Variants in ANKS1B observed in about 807,000 individuals in gnomAD.
ANKS1B encodes the protein ankyrin repeat and sterile alpha motif domain containing 1B.
A neutral mutation model predicts 148.3 loss-of-function variants in ANKS1B; 36 were observed. That is an observed-to-expected ratio of 0.24 (90% CI 0.19 to 0.32). ANKS1B has a LOEUF of 0.32. Ranked by LOEUF, ANKS1B falls within the 10% of genes least tolerant of loss-of-function variation. The pLI, the probability that ANKS1B is intolerant of heterozygous loss-of-function variation, is 1.00. For missense variants in ANKS1B, 1,157 were observed against 1,542.6 expected (o/e 0.75, Z 4.19); for synonymous variants, 542 against 560.8 (o/e 0.97, Z 0.47).
intron 12 of ANKS1B, among the ~76,000 whole-genome samples, chr12:99,269,554 AG>A (rs1208583026): frequency 2.6e-5 from 4 of 151,962 alleles, no homozygotes; most frequent in Non-Finnish European, 5.9e-5. Flanking sequence ...CCAATTCAAA[AG>A]ACTTGCTTAT....
intron 12 of ANKS1B, among the ~76,000 whole-genome samples, chr12:99,285,466 T>C (rs1392599456): frequency 6.6e-6 from 1 of 152,194 alleles, no homozygotes; most frequent in Admixed American, 6.5e-5. Context: ...TTCATTTCTC[T>C]TCAAAAAATA....
At chr12:99,953,680 A>G (rs2095267261) in intron 1 of ANKS1B, among the ~76,000 whole-genome samples, 1 of 152,264 alleles carries the variant, frequency 6.6e-6, no homozygotes, top group East Asian at 1.9e-4. Flanking sequence ...AAAGGATAAT[A>G]AAGGACTGGA....
chr12:98,739,300 G>C (rs2097787215), downstream of ANKS1B, among the ~76,000 whole-genome samples: 1 of 152,236 alleles, frequency 6.6e-6, no homozygotes, highest in Non-Finnish European at 1.5e-5. Context: ...GGCATCAGAT[G>C]CTGTCTGCTC....
intron 1 of ANKS1B, among the ~76,000 whole-genome samples, chr12:99,973,007 C>T (rs2095578932): frequency 8.5e-5 from 13 of 152,156 alleles, no homozygotes; most frequent in Admixed American, 8.5e-4. Context: ...CTGTTTGTAG[C>T]ATGGTTTACT....
intron 9 of ANKS1B, among the ~76,000 whole-genome samples, chr12:99,635,580 T>C (rs1386562567): frequency 6.6e-6 from 1 of 152,108 alleles, no homozygotes; most frequent in Non-Finnish European, 1.5e-5. Flanking sequence ...AGTAGAATGG[T>C]GGTTGCCATT....
chr12:99,384,872 CTATTA>C, intron 12 of ANKS1B, among the ~76,000 whole-genome samples: 1 of 152,208 alleles, frequency 6.6e-6, no homozygotes, highest in East Asian at 1.9e-4. Flanking sequence ...TGTCTTCCCA[CTATTA>C]TATTATTTCC....
intron 17 of ANKS1B, among the ~76,000 whole-genome samples, chr12:98,836,390 C>T (rs1595076789): frequency 6.6e-6 from 1 of 152,138 alleles, no homozygotes; most frequent in African/African-American, 2.4e-5. Context: ...ACCCTCATCA[C>T]CCAAGATTCA....
intron 16 of ANKS1B, among the ~76,000 whole-genome samples, chr12:99,063,688 G>T (rs995048390): frequency 6.6e-6 from 1 of 152,242 alleles, no homozygotes; most frequent in African/African-American, 2.4e-5. Context: ...GTGATTTCAC[G>T]CATGTCACCT....
intron 6 of ANKS1B, 58 bp downstream of exon 6, chr12:99,779,813 C>A: frequency 4.6e-6 from 6 of 1,292,440 alleles, no homozygotes. Context: ...AAAACTGTAA[C>A]AGTTTTAATC....
chr12:99,280,503 A>T (rs1474173718), intron 12 of ANKS1B, among the ~76,000 whole-genome samples: 1 of 152,106 alleles, frequency 6.6e-6, no homozygotes, highest in Non-Finnish European at 1.5e-5. Flanking sequence ...TGTTAACCTG[A>T]TGGGGCCACA....
In ANKS1B at chr12:98,894,623, T is replaced by C. The variant is rs866476659; in HGVS notation, c.2779-62487A>G. 3.9e-5 allele frequency: 38 copies of C among 984,594 alleles called. 1 individual carries two copies. In the South Asian group the frequency reaches 1.4e-3, roughly 35 times the overall value. The allele number at this position is 984,594 out of a possible 1,614,324, so 61.0% of individuals were successfully genotyped here. A position where few individuals can be genotyped will look rare whatever the true frequency, so the allele number is the denominator to read the frequency against. ...CGGAGCGAGGGGGCCGCTGTGCCGC[T>C]ACTCACCCGAGCCGCTCGGGCTGGC... On this transcript the variant is annotated intron_variant, in intron 17 of 26. Transcript: ENST00000683438.
chr12:99,479,462 A>T (rs184983244), intron 10 of ANKS1B, among the ~76,000 whole-genome samples: 284 of 152,158 alleles, frequency 1.9e-3, no homozygotes, highest in African/African-American at 6.2e-3. Flanking sequence ...TTTGCAATAC[A>T]TTTCCATAAT....
chr12:99,432,264 G>A (rs887331498), intron 11 of ANKS1B, among the ~76,000 whole-genome samples: 3 of 152,022 alleles, frequency 2.0e-5, no homozygotes, highest in South Asian at 2.1e-4. Flanking sequence ...CCATTATAGC[G>A]ACACAAAGTG....
chr12:99,371,838 A>C (rs565615187), intron 12 of ANKS1B, among the ~76,000 whole-genome samples: 2 of 152,320 alleles, frequency 1.3e-5, no homozygotes, highest in Admixed American at 6.5e-5. Context: ...TATAATAAGA[A>C]TAAATTATTA....
At chr12:98,877,793 T>C (rs2099695214) in intron 17 of ANKS1B, among the ~76,000 whole-genome samples, 1 of 152,216 alleles carries the variant, frequency 6.6e-6, no homozygotes. Context: ...GCAATAATTC[T>C]TCTAATCTTA....
chr12:99,249,085 A>C (rs2074241214), intron 12 of ANKS1B, among the ~76,000 whole-genome samples: 1 of 152,156 alleles, frequency 6.6e-6, no homozygotes, highest in South Asian at 2.1e-4. Flanking sequence ...CAACATAAGC[A>C]GGTTGGTATG....
At chr12:99,076,420 G>C (rs2047902288) in intron 16 of ANKS1B, among the ~76,000 whole-genome samples, 1 of 152,174 alleles carries the variant, frequency 6.6e-6, no homozygotes, top group South Asian at 2.1e-4. Context: ...GGAAAGTAAA[G>C]AGAGTATTGC....
chr12:99,853,618 G>A (rs947352328), intron 1 of ANKS1B, among the ~76,000 whole-genome samples: 10 of 152,192 alleles, frequency 6.6e-5, no homozygotes, highest in African/African-American at 2.4e-4. Flanking sequence ...TCCCTCTGAC[G>A]TAGCTTACCC....
In ANKS1B at chr12:98,744,410, T is replaced by C. The variant is rs1390904381; in HGVS notation, c.*1329A>G. On this transcript the variant is annotated 3_prime_UTR_variant, in exon 27 of 27. Transcript: ENST00000683438. ...TTAAGACAATTCCACAATTTATCAA[T>C]ATCGCTATAATGAACTTCAAAATGA... 2.3e-6 allele frequency: 2 copies of C among 869,806 alleles called. No homozygotes were observed. Among genetic ancestry groups the C allele is most frequent in the East Asian group, 2.4e-4 (2 of 8,258 alleles). The allele number at this position is 869,806 out of a possible 1,614,324, so 53.9% of individuals were successfully genotyped here.
Sources: allele counts gnomAD v4.1 joint callset (sites outside exome capture counted in the v4.1 genomes callset), GRCh38; gene constraint gnomAD v4.1.1; transcripts MANE v1.5; gene names NCBI Gene and HGNC (gene_info 2026-07-23, HGNC 2026-07-21).